The following CNTN4 variants were observed in gnomAD, a reference collection of about 807,000 sequenced individuals.
The protein encoded by CNTN4 is contactin-4.
A neutral mutation model predicts 122.5 loss-of-function variants in CNTN4; 77 were observed. The observed-to-expected ratio is 0.63, with a 90% confidence interval of 0.52 to 0.76. CNTN4 has a LOEUF of 0.76. Ranked by LOEUF, CNTN4 falls within the 30% of genes least tolerant of loss-of-function variation. The pLI is 0.00. For synonymous variants in CNTN4, 512 were observed against 447.0 expected (o/e 1.15, Z -1.83); for missense variants, 1,256 against 1,259.1 (o/e 1.00, Z 0.04).
chr3:3,039,168 C>G (rs1020362084), intron 19 of CNTN4, 165 bp downstream of exon 19: 1 of 654,434 alleles, frequency 1.5e-6, no homozygotes, highest in East Asian at 2.8e-5. Flanking sequence ...GCAGGAAGGA[C>G]GGCACTTGCC....
chr3:2,557,770 C>G (rs1217957054), intron 3 of CNTN4, among the ~76,000 whole-genome samples: 1 of 150,520 alleles, frequency 6.6e-6, no homozygotes. Flanking sequence ...AAAAAAAATG[C>G]ATGGTAATCT....
intron 2 of CNTN4, among the ~76,000 whole-genome samples, chr3:2,300,759 T>C (rs758295340): frequency 5.3e-5 from 8 of 151,834 alleles, no homozygotes; most frequent in Admixed American, 1.3e-4. Flanking sequence ...TTCGTAGAGA[T>C]GGGGTTTCAC....
intron 4 of CNTN4, among the ~76,000 whole-genome samples, chr3:2,579,523 G>A (rs2079842749): frequency 8.7e-6 from 1 of 115,002 alleles, no homozygotes; most frequent in Non-Finnish European, 1.8e-5. Flanking sequence ...CATCTCCCTA[G>A]GTCATGGGTT....
chr3:2,847,174 A>AG (rs754743539), intron 7 of CNTN4, among the ~76,000 whole-genome samples: 4 of 151,598 alleles, frequency 2.6e-5, no homozygotes, highest in African/African-American at 4.8e-5. Flanking sequence ...TGCAAAAAAA[A>AG]AAAAGATAGA....
chr3:2,900,358 G>A (rs1375820610), intron 10 of CNTN4, among the ~76,000 whole-genome samples: 1 of 152,110 alleles, frequency 6.6e-6, no homozygotes, highest in Non-Finnish European at 1.5e-5. Context: ...AGTGGGAGGG[G>A]GGGTGATGGG....
intron 7 of CNTN4, among the ~76,000 whole-genome samples, chr3:2,856,607 T>G (rs75540643): frequency 9.6e-4 from 146 of 152,346 alleles, no homozygotes; most frequent in African/African-American, 3.4e-3. Context: ...AAAGCCCAGA[T>G]GGACGGGCAC....
chr3:2,567,796 A>T (rs185227939), intron 3 of CNTN4, among the ~76,000 whole-genome samples: 8 of 152,030 alleles, frequency 5.3e-5, no homozygotes, highest in Admixed American at 5.2e-4. Flanking sequence ...CCTCTTATTT[A>T]TCCTTTAAGA....
At chr3:2,235,106 C>G (rs530137787) in intron 2 of CNTN4, among the ~76,000 whole-genome samples, 24 of 152,278 alleles carry the variant, frequency 1.6e-4, no homozygotes, top group African/African-American at 5.5e-4. Flanking sequence ...TGGCAGAGAA[C>G]ACCCGTAAGT....
intron 14 of CNTN4, among the ~76,000 whole-genome samples, chr3:3,012,966 C>A (rs1299472084): frequency 6.6e-6 from 1 of 151,806 alleles, no homozygotes; most frequent in African/African-American, 2.4e-5. Flanking sequence ...GAAATTCCAT[C>A]TAAAAAATAA....
intron 3 of CNTN4, among the ~76,000 whole-genome samples, chr3:2,488,395 A>G (rs1162624266): frequency 6.6e-6 from 1 of 152,032 alleles, no homozygotes; most frequent in Admixed American, 6.6e-5. Context: ...CCACATCCCA[A>G]ATATGTGTAT....
chr3:2,834,998 G>A lies in CNTN4; in HGVS notation c.454+15417G>A, dbSNP rs536309612. 2.7e-4 allele frequency among the ~76,000 whole-genome samples: 36 copies of A among 135,672 alleles called. 1 individual carries two copies. The South Asian group carries it at 8.7e-3, about 33-fold the overall frequency. The allele number at this position is 135,672 out of a possible 152,430, so 89.0% of individuals were successfully genotyped here. ...CGGCTCACTGCCAGCTCCGCCTCCCGGGTTCACACCATTCTCCTGCTTCAG... is the reference window on the plus strand; with the variant it reads ...CGGCTCACTGCCAGCTCCGCCTCCCAGGTTCACACCATTCTCCTGCTTCAG... On this transcript the variant is annotated intron_variant, in intron 7 of 24. Transcript: ENST00000418658.
chr3:2,405,484 AC>A (rs143809594), intron 3 of CNTN4, among the ~76,000 whole-genome samples: 9 of 152,168 alleles, frequency 5.9e-5, no homozygotes, highest in African/African-American at 2.2e-4. Context: ...ACATGAAAGA[AC>A]CCCCAATGAC....
intron 3 of CNTN4, among the ~76,000 whole-genome samples, chr3:2,441,464 T>G (rs1054786227): frequency 5.3e-5 from 8 of 152,224 alleles, no homozygotes; most frequent in Non-Finnish European, 1.0e-4. Context: ...CTCTTGTTCA[T>G]GGAGAAATAT....
intron 2 of CNTN4, among the ~76,000 whole-genome samples, chr3:2,328,306 T>A (rs1145038): frequency 6.7e-6 from 1 of 148,874 alleles, no homozygotes; most frequent in African/African-American, 2.5e-5. Flanking sequence ...CTCGGGAGGC[T>A]GAGGCAGGAG....
intron 13 of CNTN4, among the ~76,000 whole-genome samples, chr3:2,952,684 T>C (rs1296487309): frequency 6.6e-6 from 1 of 152,226 alleles, no homozygotes; most frequent in Non-Finnish European, 1.5e-5. Context: ...TTGTATGACT[T>C]TGTCAATTCA....
chr3:2,423,014 T>G (rs2047669720), intron 3 of CNTN4, among the ~76,000 whole-genome samples: 1 of 151,316 alleles, frequency 6.6e-6, no homozygotes, highest in African/African-American at 2.5e-5. Flanking sequence ...TCACATTAAC[T>G]TAGGGTTTTA....
chr3:2,917,121 G>A (rs546294803), intron 12 of CNTN4, among the ~76,000 whole-genome samples: 22 of 138,084 alleles, frequency 1.6e-4, no homozygotes, highest in Non-Finnish European at 3.0e-4. Context: ...CCAACACGGC[G>A]AAACCCCGTC....
rs947012877 is a variant in CNTN4, at chr3:2,915,101, T to G, written c.1208-10528T>G. Among the ~76,000 whole-genome samples the G allele has an allele frequency of 3.2e-4, 49 of 152,348 alleles. 1 individual carries two copies. The highest frequency in any genetic ancestry group is 4.4e-5 in the Non-Finnish European group (3 of 68,038). ...TTTTTGTTTGTTTGTTTTTTCACTC[T>G]GTCGCCCAGGCTGGAGTGCAGTGTT... On this transcript the variant is annotated intron_variant, in intron 12 of 24. Transcript: ENST00000418658.
intron 4 of CNTN4, among the ~76,000 whole-genome samples, chr3:2,720,272 C>T (rs376333323): frequency 5.3e-5 from 8 of 152,118 alleles, no homozygotes; most frequent in Non-Finnish European, 1.0e-4. Flanking sequence ...AAGCCAGAAA[C>T]CAACCAAAGG....
Sources: gnomAD v4.1 joint callset for allele counts (sites outside exome capture counted in the v4.1 genomes callset) on GRCh38, gnomAD v4.1.1 for gene constraint, MANE v1.5 for transcripts, NCBI Gene and HGNC (gene_info 2026-07-23, HGNC 2026-07-21) for gene names.